Variants in PPP3CA observed in about 807,000 individuals in gnomAD.
PPP3CA encodes the protein protein phosphatase 3 catalytic subunit alpha.
A neutral mutation model predicts 66.5 loss-of-function variants in PPP3CA; 14 were observed. The observed-to-expected ratio is 0.21, with a 90% CI of 0.14 to 0.33. PPP3CA has a LOEUF of 0.33. Ranked by LOEUF, PPP3CA falls within the 10% of genes least tolerant of loss-of-function variation. The probability of loss-of-function intolerance (pLI) is 1.00; values close to 1 mark genes in which losing one functional copy is unlikely to be tolerated. For missense variants in PPP3CA, 317 were observed against 639.5 expected, an observed-to-expected ratio of 0.50 and a Z score of 5.44; for synonymous variants, 232 against 226.2, an observed-to-expected ratio of 1.03 and a Z score of -0.23.
chr4:101,302,178 T>C (rs1042750059), intron 1 of PPP3CA, among the ~76,000 whole-genome samples: 5 of 152,144 alleles, frequency 3.3e-5, no homozygotes, highest in Non-Finnish European at 7.3e-5. Flanking sequence ...GTAAATTGGT[T>C]TTATGCCAGA....
At chr4:101,272,028 C>G (rs1049914160) in intron 1 of PPP3CA, among the ~76,000 whole-genome samples, 1 of 152,064 alleles carries the variant, frequency 6.6e-6, no homozygotes, top group African/African-American at 2.4e-5. Context: ...ATGAAATTTT[C>G]TTTATTATTA....
intron 1 of PPP3CA, among the ~76,000 whole-genome samples, chr4:101,275,175 T>C (rs1727450527): frequency 6.6e-6 from 1 of 152,168 alleles, no homozygotes; most frequent in Non-Finnish European, 1.5e-5. Flanking sequence ...CTCTAAACTC[T>C]CTGCAGCCCT....
Position 101,025,593 on chromosome 4 carries a change from G to T in PPP3CA, c.*272C>A. On this transcript the variant is annotated 3_prime_UTR_variant, in exon 14 of 14. Transcript: ENST00000394854. Reference sequence around the variant, plus strand: ...AACATTGCAGTATATACTAGCATTAGCTTTCTTTTTAAAATTTTTTTTCTC... The same window carrying T: ...AACATTGCAGTATATACTAGCATTATCTTTCTTTTTAAAATTTTTTTTCTC... 1 of 303,878 alleles carries T rather than the reference G, an allele frequency of 3.3e-6. No homozygotes were observed. Among genetic ancestry groups the T allele is most frequent in the Non-Finnish European group, 6.1e-6 (1 of 164,702 alleles). The allele number at this position is 303,878 out of a possible 1,614,324, so 18.8% of individuals were successfully genotyped here. A position where few individuals can be genotyped will look rare whatever the true frequency, so the allele number is the denominator to read the frequency against.
At chr4:101,303,206 G>A (rs1396047026) in intron 1 of PPP3CA, among the ~76,000 whole-genome samples, 1 of 152,058 alleles carries the variant, frequency 6.6e-6, no homozygotes, top group African/African-American at 2.4e-5. Flanking sequence ...AAAATAGCAT[G>A]TTTCCCTAAA....
At chr4:101,186,141 A>C (rs1724402897) in intron 2 of PPP3CA, among the ~76,000 whole-genome samples, 1 of 152,160 alleles carries the variant, frequency 6.6e-6, no homozygotes, top group African/African-American at 2.4e-5. Context: ...TTTTCTTATT[A>C]GCATGTTGAA....
chr4:101,098,396 C>G lies in PPP3CA; in HGVS notation c.613G>C (p.Glu205Gln). ...CTGATATCATCTAAAGTGTTAATCT[C>G]TGGAGACAAACCACCATGCACACAC... ...FLCVHGGLSP[E>Q]INTLDDIRKL... The change falls in exon 5 of 14, where the codon GAG becomes CAG. Residue 205 changes from glutamate to glutamine, a missense_variant. Glu to Gln is a conservative substitution (Grantham distance 29). Around this residue, in one of 3 missense-constraint regions of PPP3CA, gnomAD observed 201 missense variants for 501.4 expected, o/e 0.40. Coordinates refer to ENST00000394854, the MANE Select transcript of PPP3CA (RefSeq NM_000944.5). 1 of 1,610,012 alleles carries G rather than the reference C, an allele frequency of 6.2e-7. No individual in the cohort carries two copies. Among genetic ancestry groups the G allele is most frequent in the Non-Finnish European group, 8.5e-7 (1 of 1,178,420 alleles).
chr4:101,175,978 G>C (rs1302322007), intron 2 of PPP3CA, among the ~76,000 whole-genome samples: 1 of 152,062 alleles, frequency 6.6e-6, no homozygotes, highest in Non-Finnish European at 1.5e-5. Context: ...ACTCCCTCAA[G>C]TCTGAAGACA....
intron 1 of PPP3CA, among the ~76,000 whole-genome samples, chr4:101,275,586 C>T (rs931492470): frequency 2.0e-5 from 3 of 152,206 alleles, no homozygotes; most frequent in African/African-American, 7.2e-5. Context: ...ATGACTTCAA[C>T]ATACTTGCAT....
intron 5 of PPP3CA, among the ~76,000 whole-genome samples, chr4:101,095,097 TC>T (rs1336885784): frequency 6.6e-6 from 1 of 152,082 alleles, no homozygotes; most frequent in Non-Finnish European, 1.5e-5. Context: ...ATGAAAAACT[TC>T]AATAAAACAA....
chr4:101,228,007 T>C (rs907510030), intron 1 of PPP3CA, among the ~76,000 whole-genome samples: 1 of 151,688 alleles, frequency 6.6e-6, no homozygotes, highest in Non-Finnish European at 1.5e-5. Flanking sequence ...GTCTTTGCTA[T>C]GAACAGGCCT....
intron 1 of PPP3CA, among the ~76,000 whole-genome samples, chr4:101,206,669 T>C (rs963425269): frequency 1.1e-4 from 16 of 152,330 alleles, no homozygotes; most frequent in South Asian, 4.1e-4. Flanking sequence ...TCAAGTCCCA[T>C]TGAGTGTCTA....
rs573455854 is a variant in PPP3CA, at chr4:101,153,931, G to A, written c.259+41985C>T. Among the ~76,000 whole-genome samples, 29 of 151,446 alleles carry A rather than the reference G, an allele frequency of 1.9e-4. No individual in the cohort carries two copies. In the East Asian group the frequency reaches 4.3e-3, roughly 22 times the overall value. On this transcript the variant is annotated intron_variant, in intron 2 of 13. Transcript: ENST00000394854. ...ATGTGGATTCTACAGAAAAAAAAAA[G>A]CACAATACATTTGGACATATGCATG...
At chr4:101,323,116 T>A (rs1422514239) in intron 1 of PPP3CA, among the ~76,000 whole-genome samples, 1 of 152,172 alleles carries the variant, frequency 6.6e-6, no homozygotes, top group Non-Finnish European at 1.5e-5. Context: ...ATGTAGTCTT[T>A]AGGGTCCCTT....
intron 1 of PPP3CA, among the ~76,000 whole-genome samples, chr4:101,331,397 ATT>A (rs1304991309): frequency 6.6e-6 from 1 of 152,198 alleles, no homozygotes; most frequent in African/African-American, 2.4e-5. Context: ...TCCCCAGTCA[ATT>A]TTTTTGTTGT....
rs896535155 is a variant in PPP3CA at position 101,249,488 on chromosome 4, G to A, written c.59-53372C>T. On this transcript the variant is annotated intron_variant, in intron 1 of 13. Coordinates refer to ENST00000394854, the MANE Select transcript of PPP3CA (RefSeq NM_000944.5). Reference sequence around the variant, plus strand: ...CAAAAGGAAAGACGTGTGTGTGTGTGTTTTTTAGTACATTCATTCTTCCTT... The same window carrying A: ...CAAAAGGAAAGACGTGTGTGTGTGTATTTTTTAGTACATTCATTCTTCCTT... Among the ~76,000 whole-genome samples the A allele has an allele frequency of 2.0e-5, 3 of 151,962 alleles. No individual in the cohort carries two copies. The East Asian group carries it at 5.8e-4, about 29-fold the overall frequency.
chr4:101,173,448 A>G (rs1162363242), intron 2 of PPP3CA, among the ~76,000 whole-genome samples: 2 of 152,144 alleles, frequency 1.3e-5, no homozygotes, highest in Non-Finnish European at 2.9e-5. Flanking sequence ...CGTTTCTGCA[A>G]TTATATCCAG....
intron 6 of PPP3CA, among the ~76,000 whole-genome samples, chr4:101,091,651 A>G (rs972861894): frequency 3.3e-5 from 5 of 151,926 alleles, no homozygotes; most frequent in African/African-American, 9.7e-5. Context: ...TCCTACTACT[A>G]AATAGGCATC....
intron 4 of PPP3CA, 38 bp from the exon 5 acceptor site, chr4:101,098,550 G>T: frequency 6.5e-7 from 1 of 1,538,624 alleles, no homozygotes; most frequent in Non-Finnish European, 8.8e-7. Flanking sequence ...ATGATTTATA[G>T]GCAGGATCAT....
At chr4:101,059,532 T>A (rs1728370210) in intron 10 of PPP3CA, among the ~76,000 whole-genome samples, 3 of 152,058 alleles carry the variant, frequency 2.0e-5, no homozygotes, top group Non-Finnish European at 4.4e-5. Flanking sequence ...TATGAACAGG[T>A]TTATTATACT....
Sources: gnomAD v4.1 joint callset for allele counts (sites outside exome capture counted in the v4.1 genomes callset) on GRCh38, gnomAD v4.1.1 for gene constraint, gnomAD v4.1.1 regional missense constraint, MANE v1.5 for transcripts, NCBI Gene and HGNC (gene_info 2026-07-23, HGNC 2026-07-21) for gene names.